The following RORA variants were observed in gnomAD, a reference collection of about 807,000 sequenced individuals.
RORA encodes the protein RAR related orphan receptor A.
A neutral mutation model predicts 69.5 loss-of-function variants in RORA; 7 were observed. The ratio of observed to expected loss-of-function variants is 0.10; its 90% CI spans 0.06 to 0.19. The LOEUF (loss-of-function observed/expected upper bound fraction) is 0.19. Ranked by LOEUF, RORA falls within the 10% of genes least tolerant of loss-of-function variation. The pLI is 1.00. For synonymous variants in RORA, 261 were observed against 240.8 expected (o/e 1.08, Z -0.78); for missense variants, 457 against 663.0 (o/e 0.69, Z 3.41).
At chr15:60,956,324 C>T (rs1387562446) in intron 1 of RORA, among the ~76,000 whole-genome samples, 2 of 151,946 alleles carry the variant, frequency 1.3e-5, no homozygotes, top group African/African-American at 4.8e-5. Flanking sequence ...CCATTTAATT[C>T]TCACAGCAAT....
At chr15:61,207,165 C>T (rs1368825728) in intron 1 of RORA, among the ~76,000 whole-genome samples, 1 of 152,104 alleles carries the variant, frequency 6.6e-6, no homozygotes, top group African/African-American at 2.4e-5. Flanking sequence ...CATGCACACA[C>T]ACACATACTA....
chr15:60,900,088 C>G (rs1484504724), intron 1 of RORA, among the ~76,000 whole-genome samples: 1 of 152,240 alleles, frequency 6.6e-6, no homozygotes, highest in Non-Finnish European at 1.5e-5. Flanking sequence ...TTAAGCTTCA[C>G]TATCACACAT....
At chr15:60,852,439 T>C (rs899369781) in intron 1 of RORA, among the ~76,000 whole-genome samples, 2 of 152,172 alleles carry the variant, frequency 1.3e-5, no homozygotes, top group Admixed American at 1.3e-4. Context: ...AAAGTGAGGA[T>C]AACAACTCCT....
chr15:60,579,058 C>T lies in RORA; in HGVS notation c.197-47207G>A, dbSNP rs866677441. 2.6e-4 allele frequency among the ~76,000 whole-genome samples: 38 copies of T among 146,734 alleles called. 1 individual carries two copies. The highest frequency in any genetic ancestry group is 3.5e-3 in the Middle Eastern group (1 of 286). On this transcript the variant is annotated intron_variant, in intron 2 of 10. Transcript: ENST00000335670. ...CTGGGATTACAGGTGTGAGCCACCGCGCCCGGTTTTTTTTTTTTTTTTTTT... is the reference window on the plus strand; with the variant it reads ...CTGGGATTACAGGTGTGAGCCACCGTGCCCGGTTTTTTTTTTTTTTTTTTT...
intron 1 of RORA, among the ~76,000 whole-genome samples, chr15:60,834,548 G>A (rs2073090249): frequency 1.3e-5 from 2 of 152,188 alleles, no homozygotes; most frequent in South Asian, 2.1e-4. Flanking sequence ...AGATTACCAA[G>A]GTGATGATAT....
At chr15:60,884,956 C>T (rs1474858087) in intron 1 of RORA, among the ~76,000 whole-genome samples, 1 of 152,136 alleles carries the variant, frequency 6.6e-6, no homozygotes, top group Non-Finnish European at 1.5e-5. Flanking sequence ...AATAACAGGC[C>T]CCCAAAACAA....
At chr15:60,946,266 C>T (rs1335394391) in intron 1 of RORA, among the ~76,000 whole-genome samples, 4 of 152,096 alleles carry the variant, frequency 2.6e-5, no homozygotes, top group Non-Finnish European at 4.4e-5. Flanking sequence ...CTCCCTCCTT[C>T]TCCCCACGGT....
At chr15:60,789,282 G>A (rs2072382659) in intron 1 of RORA, among the ~76,000 whole-genome samples, 1 of 152,182 alleles carries the variant, frequency 6.6e-6, no homozygotes, top group Admixed American at 6.5e-5. Context: ...TCTTCATCCT[G>A]GCATCAGAGG....
At chr15:60,808,668 CCAT>C (rs1335614896) in intron 1 of RORA, among the ~76,000 whole-genome samples, 2 of 149,512 alleles carry the variant, frequency 1.3e-5, no homozygotes, top group Non-Finnish European at 3.0e-5. Flanking sequence ...GCCCAAATGC[CCAT>C]CAATATATAA....
intron 1 of RORA, among the ~76,000 whole-genome samples, chr15:61,064,463 T>G (rs12441446): frequency 1.3e-5 from 2 of 152,154 alleles, no homozygotes; most frequent in Admixed American, 1.3e-4. Flanking sequence ...AACCTACTAC[T>G]CCCACACAAG....
chr15:60,840,995 C>A (rs2073190312), intron 1 of RORA: 1 of 633,998 alleles, frequency 1.6e-6, no homozygotes, highest in Non-Finnish European at 2.0e-6. Context: ...AATACCACCT[C>A]CTTCCTCGAC....
rs200220645 is a variant in RORA, at chr15:60,511,273, G to C, written c.773C>G (p.Ser258Trp). 16 of 1,613,998 alleles carry C rather than the reference G, an allele frequency of 9.9e-6. No individual in the cohort carries two copies. Among genetic ancestry groups the C allele is most frequent in the Non-Finnish European group, 1.3e-5 (15 of 1,180,004 alleles). ...TGGGGAAGTCTCGCCGTTGGTGAAC[G>C]AACAGTAGGGAAAGAAGCCTGATGC... The part of the protein sequence containing the change: ...TPASGFFPYC[S>W]FTNGETSPTV... The change falls in exon 5 of 11, where the codon TCG (serine) becomes TGG (tryptophan). Residue 258 changes from serine (S) to tryptophan (W), a missense_variant. Physicochemically the swap from Ser to Trp is radical, Grantham distance 177. Around this residue, in one of 3 missense-constraint regions of RORA, gnomAD observed 304 missense variants for 447.4 expected, o/e 0.68. Coordinates refer to ENST00000335670, the MANE Select transcript of RORA (RefSeq NM_134261.3). The surrounding 1 kb of genome is among the most constrained non-coding windows in gnomAD (Gnocchi z 6.4).
chr15:60,518,369 A>G (rs2066036641), intron 3 of RORA, among the ~76,000 whole-genome samples: 1 of 151,472 alleles, frequency 6.6e-6, no homozygotes, highest in Admixed American at 6.5e-5. Context: ...GGGCATGAGG[A>G]TGATGATGAC....
At chr15:60,540,049 A>C (rs2066810859) in intron 2 of RORA, among the ~76,000 whole-genome samples, 1 of 152,204 alleles carries the variant, frequency 6.6e-6, no homozygotes, top group Non-Finnish European at 1.5e-5. Flanking sequence ...AAGTGATTAG[A>C]CTATGCTCAA....
intron 2 of RORA, among the ~76,000 whole-genome samples, chr15:60,605,640 C>T (rs1358568879): frequency 6.6e-6 from 1 of 152,080 alleles, no homozygotes; most frequent in African/African-American, 2.4e-5. Context: ...AGAGGCAAAA[C>T]ATGATGACTC....
At chr15:60,928,423 G>T (rs16943359) in intron 1 of RORA, among the ~76,000 whole-genome samples, 11,500 of 152,184 alleles carry the variant, frequency 0.076, 781 homozygotes, top group African/African-American at 0.17. Flanking sequence ...CGGGAAGCTC[G>T]TGGAAGCCAA....
In RORA at chr15:60,592,108, G is replaced by A. The variant is rs554306116; in HGVS notation, c.197-60257C>T. 2.4e-4 allele frequency among the ~76,000 whole-genome samples: 36 copies of A among 151,858 alleles called. 2 individuals are homozygous for A. Among genetic ancestry groups the A allele is most frequent in the African/African-American group, 8.2e-4 (34 of 41,328 alleles). On this transcript the variant is annotated intron_variant, in intron 2 of 10. Coordinates refer to ENST00000335670, the MANE Select transcript of RORA (RefSeq NM_134261.3). The stretch of plus-strand genomic sequence containing the variant: ...AACTTTCTTTTGGGAGACCCGCCCG[G>A]TGCCAAGCGGACCCAAGAGACTGAC...
chr15:61,146,340 G>C (rs888462936), intron 1 of RORA, among the ~76,000 whole-genome samples: 5 of 152,030 alleles, frequency 3.3e-5, no homozygotes, highest in African/African-American at 1.2e-4. Context: ...CCTACTAGTT[G>C]CTGTATTTCA....
At chr15:60,691,409 G>A (rs567163361) in intron 1 of RORA, among the ~76,000 whole-genome samples, 2 of 152,250 alleles carry the variant, frequency 1.3e-5, no homozygotes, top group Non-Finnish European at 2.9e-5. Flanking sequence ...GCCTAGAATG[G>A]TGCCTGGCAT....
Sources: allele counts gnomAD v4.1 joint callset (sites outside exome capture counted in the v4.1 genomes callset), GRCh38; gene constraint gnomAD v4.1.1; regional missense constraint gnomAD v4.1.1; non-coding constraint Gnocchi (gnomAD v3.1); transcripts MANE v1.5; gene names NCBI Gene and HGNC (gene_info 2026-07-23, HGNC 2026-07-21).